DEPDC5: variants seen among roughly 807,000 people sequenced by gnomAD.
DEPDC5 encodes the protein GATOR1 complex protein DEPDC5.
In DEPDC5, 73 loss-of-function variants were observed where a neutral mutation model predicts 217.3. That is an observed-to-expected ratio of 0.34 (90% CI 0.28 to 0.41). The LOEUF is 0.41. Ranked by LOEUF, DEPDC5 falls within the 10% of genes least tolerant of loss-of-function variation. The pLI, the probability that DEPDC5 is intolerant of heterozygous loss-of-function variation, is 1.00. For missense variants in DEPDC5, 1,675 were observed against 2,070.1 expected (o/e 0.81, Z 3.70); for synonymous variants, 733 against 756.7 (o/e 0.97, Z 0.51).
At chr22:31,795,856 G>C (rs953623043) in intron 12 of DEPDC5, among the ~76,000 whole-genome samples, 3 of 150,996 alleles carry the variant, frequency 2.0e-5, no homozygotes, top group African/African-American at 7.3e-5. Context: ...TCAGCCTCTC[G>C]AGTAGCTGGG....
chr22:31,823,663 A>G (rs2089910659), intron 24 of DEPDC5, among the ~76,000 whole-genome samples: 1 of 152,042 alleles, frequency 6.6e-6, no homozygotes, highest in Non-Finnish European at 1.5e-5. Context: ...TTGGTTTGGT[A>G]TGATACTTTG....
At chr22:31,828,888 C>T (rs907192927) in intron 24 of DEPDC5, among the ~76,000 whole-genome samples, 2 of 152,138 alleles carry the variant, frequency 1.3e-5, no homozygotes, top group East Asian at 1.9e-4. Context: ...GGGGTAATGA[C>T]GATGAAAGGA....
intron 38 of DEPDC5, chr22:31,891,495 T>C: frequency 5.5e-6 from 1 of 183,414 alleles, no homozygotes. Flanking sequence ...ATCTGGCAGC[T>C]GAATGCCAGT....
At position 31,788,342 on chromosome 22, in the gene DEPDC5, T is replaced by C. The variant is rs929461737; in HGVS notation, c.624+3467T>C. 2.9e-5 allele frequency among the ~76,000 whole-genome samples: 4 copies of C among 139,912 alleles called. No homozygotes were observed. In the Admixed American group the frequency reaches 3.0e-4, roughly 11 times the overall value. 91.8% of individuals were successfully genotyped at this position (139,912 alleles called of 152,430 possible). ...AGGCTAGAGTGCAGTGGCGCAATCA[T>C]AGCTCACTGCAGCCTTGATCGCCTG... On this transcript the variant is annotated intron_variant, in intron 10 of 42. Coordinates refer to ENST00000651528, the MANE Select transcript of DEPDC5 (RefSeq NM_001242896.3).
chr22:31,809,595 CT>C lies in DEPDC5; in HGVS notation c.1288-15del. ...AGCGAAGGAAGGAGTGATTAATTAT[CT>C]ATTTAATTTTTCAGCCCGCCTCTGA... On this transcript the variant is annotated splice_polypyrimidine_tract_variant and intron_variant, in intron 18 of 42. Transcript: ENST00000651528. The C allele has an allele frequency of 6.2e-7, 1 of 1,613,648 alleles. No homozygotes were observed. The highest frequency in any genetic ancestry group is 8.5e-7 in the Non-Finnish European group (1 of 1,179,590).
chr22:31,764,755 T>G lies in DEPDC5; in HGVS notation c.194-220T>G, dbSNP rs2082673261. On this transcript the variant is annotated intron_variant, in intron 4 of 42. Coordinates refer to ENST00000651528, the MANE Select transcript of DEPDC5 (RefSeq NM_001242896.3). ...TTCTTTATTTTCCCTCCCTTCTCCC[T>G]TTTTCTCTCCATTTTTGTTGATTGC... Among the ~76,000 whole-genome samples the G allele has an allele frequency of 1.3e-5, 2 of 152,114 alleles. 1 individual carries two copies. Among genetic ancestry groups the G allele is most frequent in the South Asian group, 4.1e-4 (2 of 4,826 alleles).
Position 31,798,673 on chromosome 22 carries a change from G to GC in DEPDC5, c.946+19dup, listed in dbSNP as rs747798626. 2 of 1,607,218 alleles carry GC rather than the reference G, an allele frequency of 1.2e-6. No individual in the cohort carries two copies. The highest frequency in any genetic ancestry group is 1.7e-6 in the Non-Finnish European group (2 of 1,176,160). On this transcript the variant is annotated intron_variant, in intron 14 of 42. Transcript: ENST00000651528. ...CATTCAATGGTGAGTAAGGATGCCG[G>GC]CCATGAGCCAGCATCTTGCCTACCA...
intron 5 of DEPDC5, among the ~76,000 whole-genome samples, chr22:31,765,564 CAGGT>C (rs1213939787): frequency 1.3e-5 from 2 of 151,810 alleles, no homozygotes; most frequent in Non-Finnish European, 2.9e-5. Context: ...GCTGGGATTC[CAGGT>C]AGGAGCTACC....
intron 10 of DEPDC5, among the ~76,000 whole-genome samples, chr22:31,787,955 A>G (rs1479343319): frequency 6.6e-6 from 1 of 152,012 alleles, no homozygotes; most frequent in Non-Finnish European, 1.5e-5. Flanking sequence ...AAAAGAAAAA[A>G]CCCTAATTGA....
At chr22:31,829,613 C>T (rs1282032016) in intron 24 of DEPDC5, among the ~76,000 whole-genome samples, 1 of 152,140 alleles carries the variant, frequency 6.6e-6, no homozygotes, top group Non-Finnish European at 1.5e-5. Flanking sequence ...GCACCATCTG[C>T]AGGCACTCAA....
chr22:31,897,460 T>C (rs747789864), intron 39 of DEPDC5, 22 bp from the exon 40 acceptor site: 4 of 1,585,604 alleles, frequency 2.5e-6, no homozygotes, highest in Non-Finnish European at 3.4e-6. Flanking sequence ...ATGATATTGT[T>C]TGTTTCTGTA....
rs2093516720 is a variant in DEPDC5 at position 31,894,873 on chromosome 22, C to G, written c.4203+1122C>G. Reference sequence around the variant, plus strand: ...AAAAAAAGGAAAAAAAAAAAGAAGGCCGGGAGCAGTGGCTCACGCCTGTAA... The same window carrying G: ...AAAAAAAGGAAAAAAAAAAAGAAGGGCGGGAGCAGTGGCTCACGCCTGTAA... On this transcript the variant is annotated intron_variant, in intron 39 of 42. Coordinates refer to ENST00000651528, the MANE Select transcript of DEPDC5 (RefSeq NM_001242896.3). 2.7e-5 allele frequency: 4 copies of G among 149,860 alleles called. No homozygotes were observed. In the Admixed American group the frequency reaches 2.7e-4, roughly 10 times the overall value. The allele number at this position is 149,860 out of a possible 1,614,324, so 9.3% of individuals were successfully genotyped here. A position where few individuals can be genotyped will look rare whatever the true frequency, so the allele number is the denominator to read the frequency against.
chr22:31,897,595 C>G lies in DEPDC5; in HGVS notation c.4317C>G (p.Leu1439=). 6.2e-7 allele frequency: 1 copy of G among 1,614,136 alleles called. No individual in the cohort carries two copies. Among genetic ancestry groups the G allele is most frequent in the Non-Finnish European group, 8.5e-7 (1 of 1,180,030 alleles). ...YLYGDPLRAQ[L]FIPLNISCLL... is the part of the protein sequence containing the mutation. ...ATGGCGACCCCCTTCGTGCCCAGCT[C>G]TTCATCCCACTCAACATCAGCTGCT... The change falls in exon 40 of 43, where the codon CTC becomes CTG. Residue 1439 remains leucine (L), a synonymous_variant. Coordinates refer to ENST00000651528, the MANE Select transcript of DEPDC5 (RefSeq NM_001242896.3).
chr22:31,786,362 C>G (rs1024730033), intron 10 of DEPDC5, among the ~76,000 whole-genome samples: 8 of 148,660 alleles, frequency 5.4e-5, no homozygotes, highest in African/African-American at 2.0e-4. Context: ...GCAGACCAGC[C>G]CCAGCAATAT....
At chr22:31,809,045 G>A (rs2087919543) in intron 18 of DEPDC5, among the ~76,000 whole-genome samples, 1 of 152,160 alleles carries the variant, frequency 6.6e-6, no homozygotes, top group Non-Finnish European at 1.5e-5. Flanking sequence ...TGGGATTACA[G>A]GCGTGAACCA....
At chr22:31,799,481 A>ATTT (rs201792562) in intron 14 of DEPDC5, among the ~76,000 whole-genome samples, 1 of 128,352 alleles carries the variant, frequency 7.8e-6, no homozygotes. Context: ...TCTTAATGCT[A>ATTT]TTTTTTTTTT....
At chr22:31,857,799 C>G (rs1465554972) in intron 32 of DEPDC5, 1 of 352,090 alleles carries the variant, frequency 2.8e-6, no homozygotes, top group Non-Finnish European at 5.1e-6. Context: ...CTTGTAATCC[C>G]AGCACTTTGG....
intron 33 of DEPDC5, among the ~76,000 whole-genome samples, chr22:31,869,933 A>G (rs1466136011): frequency 6.6e-6 from 1 of 152,208 alleles, no homozygotes; most frequent in Non-Finnish European, 1.5e-5. Flanking sequence ...AGAATGTTAC[A>G]GCCCTCCCTG....
At chr22:31,774,389 G>A (rs1050242302) in intron 7 of DEPDC5, among the ~76,000 whole-genome samples, 1 of 151,528 alleles carries the variant, frequency 6.6e-6, no homozygotes, top group African/African-American at 2.4e-5. Context: ...AGTAGAGATG[G>A]GGTTTCACCA....
Sources: allele counts gnomAD v4.1 joint callset (sites outside exome capture counted in the v4.1 genomes callset), GRCh38; gene constraint gnomAD v4.1.1; transcripts MANE v1.5; gene names NCBI Gene and HGNC (gene_info 2026-07-23, HGNC 2026-07-21).